Variants in SLC4A10 observed in about 807,000 individuals in gnomAD.
The protein encoded by SLC4A10 is solute carrier family 4 member 10, also known as sodium-driven chloride bicarbonate exchanger.
SLC4A10 carries 42 observed loss-of-function variants against 137.7 expected under a neutral mutation model. The ratio of observed to expected loss-of-function variants is 0.30; its 90% confidence interval spans 0.24 to 0.39. SLC4A10 has a LOEUF of 0.39. Ranked by LOEUF, SLC4A10 falls within the 10% of genes least tolerant of loss-of-function variation. The probability of loss-of-function intolerance (pLI) is 1.00; values close to 1 mark genes in which losing one functional copy is unlikely to be tolerated. For synonymous variants in SLC4A10, 474 were observed against 464.1 expected, an observed-to-expected ratio of 1.02 and a Z score of -0.27; for missense variants, 925 against 1,355.0, an observed-to-expected ratio of 0.68 and a Z score of 4.98.
intron 2 of SLC4A10, among the ~76,000 whole-genome samples, chr2:161,793,301 A>C (rs1371313744): frequency 6.6e-6 from 1 of 152,120 alleles, no homozygotes; most frequent in African/African-American, 2.4e-5. Context: ...TTGTAGTGAA[A>C]ATACTTATCC....
chr2:161,643,111 G>C (rs1235363510), intron 1 of SLC4A10, among the ~76,000 whole-genome samples: 1 of 151,986 alleles, frequency 6.6e-6, no homozygotes, highest in Non-Finnish European at 1.5e-5. Context: ...AAGGTAATAT[G>C]TAATTCAATA....
intron 1 of SLC4A10, among the ~76,000 whole-genome samples, chr2:161,655,699 C>G (rs1034734136): frequency 6.6e-6 from 1 of 152,168 alleles, no homozygotes; most frequent in Non-Finnish European, 1.5e-5. Context: ...CAATATTACC[C>G]TGCTACCAAA....
chr2:161,855,272 T>C (rs1165459596), intron 5 of SLC4A10, 142 bp downstream of exon 5: 1 of 732,916 alleles, frequency 1.4e-6, no homozygotes, highest in Non-Finnish European at 2.0e-6. Flanking sequence ...TCATTTTCTT[T>C]TACCCTGTTA....
chr2:161,737,961 G>C (rs1469075366), intron 1 of SLC4A10, among the ~76,000 whole-genome samples: 1 of 152,144 alleles, frequency 6.6e-6, no homozygotes, highest in Non-Finnish European at 1.5e-5. Flanking sequence ...CTCAGTTTCT[G>C]CCTGACCTAG....
chr2:161,811,124 C>T (rs1391314128), intron 3 of SLC4A10, among the ~76,000 whole-genome samples: 3 of 151,950 alleles, frequency 2.0e-5, no homozygotes, highest in Non-Finnish European at 4.4e-5. Flanking sequence ...GAGAACTTAT[C>T]CATTTCCTCT....
intron 2 of SLC4A10, among the ~76,000 whole-genome samples, chr2:161,774,897 T>C (rs1054264865): frequency 4.0e-5 from 6 of 151,866 alleles, no homozygotes; most frequent in African/African-American, 7.2e-5. Flanking sequence ...AATCCTCCAA[T>C]TGATCATTTC....
chr2:161,817,142 T>C (rs562609244), intron 3 of SLC4A10, among the ~76,000 whole-genome samples: 1 of 152,302 alleles, frequency 6.6e-6, no homozygotes, highest in Admixed American at 6.5e-5. Flanking sequence ...CCAGCACCTG[T>C]TGTTTCCTGA....
intron 2 of SLC4A10, among the ~76,000 whole-genome samples, chr2:161,775,305 C>T (rs2052184249): frequency 6.6e-6 from 1 of 151,822 alleles, no homozygotes; most frequent in Non-Finnish European, 1.5e-5. Context: ...ATATATTTTT[C>T]TCCCAATTAC....
At chr2:161,872,232 C>T (rs1216844842) in intron 6 of SLC4A10, 61 bp from the exon 7 acceptor site, 1 of 1,306,354 alleles carries the variant, frequency 7.7e-7, no homozygotes, top group Non-Finnish European at 1.1e-6. Flanking sequence ...GCCTATTTCA[C>T]TCAGTATGTC....
intron 18 of SLC4A10, 134 bp downstream of exon 18, chr2:161,949,395 A>C (rs982636849): frequency 4.0e-6 from 2 of 497,124 alleles, no homozygotes; most frequent in African/African-American, 4.1e-5. Context: ...AATGAAATGC[A>C]CACAGCATGG....
intron 15 of SLC4A10, among the ~76,000 whole-genome samples, chr2:161,914,778 C>G (rs1004035762): frequency 1.3e-5 from 2 of 152,068 alleles, no homozygotes; most frequent in African/African-American, 4.8e-5. Flanking sequence ...TGTTGAGGCT[C>G]TAACCCTCAG....
At chr2:161,849,765 T>A (rs1346885177) in intron 4 of SLC4A10, among the ~76,000 whole-genome samples, 3 of 152,150 alleles carry the variant, frequency 2.0e-5, no homozygotes, top group African/African-American at 7.2e-5. Context: ...TTGATCATGG[T>A]GGATTAGCTT....
chr2:161,935,327 G>T (rs1475897345), intron 15 of SLC4A10, among the ~76,000 whole-genome samples: 4 of 152,032 alleles, frequency 2.6e-5, no homozygotes, highest in Non-Finnish European at 5.9e-5. Flanking sequence ...ATACTTCCAG[G>T]TTTGTTCTTT....
intron 1 of SLC4A10, among the ~76,000 whole-genome samples, chr2:161,667,159 G>C (rs1265154403): frequency 6.6e-6 from 1 of 151,536 alleles, no homozygotes; most frequent in South Asian, 2.1e-4. Context: ...AGAATTTTAA[G>C]CACCCCACAT....
At chr2:161,974,939 C>T (rs967337179) in intron 24 of SLC4A10, among the ~76,000 whole-genome samples, 6 of 152,096 alleles carry the variant, frequency 3.9e-5, no homozygotes, top group African/African-American at 7.2e-5. Context: ...TTAGTTTAAA[C>T]GGTTATCTTG....
At chr2:161,832,802 G>A (rs554128333) in intron 3 of SLC4A10, among the ~76,000 whole-genome samples, 1 of 152,166 alleles carries the variant, frequency 6.6e-6, no homozygotes, top group Admixed American at 6.5e-5. Flanking sequence ...GTGCAGTGGC[G>A]CGATCTCAGC....
chr2:161,769,725 T>C (rs2051332938), intron 1 of SLC4A10, among the ~76,000 whole-genome samples: 1 of 151,920 alleles, frequency 6.6e-6, no homozygotes, highest in Non-Finnish European at 1.5e-5. Context: ...TAATTCTTCA[T>C]GTGCGCTATT....
At chr2:161,878,284 A>G (rs1346792939) in intron 8 of SLC4A10, among the ~76,000 whole-genome samples, 1 of 152,180 alleles carries the variant, frequency 6.6e-6, no homozygotes, top group Non-Finnish European at 1.5e-5. Flanking sequence ...AAAGCTACTC[A>G]AGTGAATTAG....
intron 1 of SLC4A10, among the ~76,000 whole-genome samples, chr2:161,660,976 A>G (rs1261731715): frequency 2.0e-5 from 3 of 151,918 alleles, no homozygotes; most frequent in African/African-American, 7.3e-5. Flanking sequence ...GCATTTTTCT[A>G]TTAAATTAGA....
Sources: gnomAD v4.1 joint callset for allele counts (sites outside exome capture counted in the v4.1 genomes callset) on GRCh38, gnomAD v4.1.1 for gene constraint, MANE v1.5 for transcripts, NCBI Gene and HGNC (gene_info 2026-07-23, HGNC 2026-07-21) for gene names.